The following PREPL variants were observed in gnomAD, a reference collection of about 807,000 sequenced individuals.
PREPL encodes the protein prolyl endopeptidase-like.
PREPL carries 77 observed loss-of-function variants against 70.6 expected under a neutral mutation model. That is an observed-to-expected ratio of 1.09 (90% CI 0.91 to 1.32). The LOEUF is 1.32. Among genes scored for constraint, PREPL ranks in the 40% most tolerant of loss-of-function variants. The probability of loss-of-function intolerance (pLI) is 0.00; values close to 1 mark genes in which losing one functional copy is unlikely to be tolerated. For synonymous variants in PREPL, 315 were observed against 264.8 expected (o/e 1.19, Z -1.84); for missense variants, 1,002 against 778.2 (o/e 1.29, Z -3.42).
rs1230414490 is a variant in PREPL at position 44,344,976 on chromosome 2, CTG to C, written c.76-392_76-391del. 2.6e-5 allele frequency among the ~76,000 whole-genome samples: 4 copies of C among 152,272 alleles called. No homozygotes were observed. In the South Asian group the frequency reaches 8.3e-4, roughly 32 times the overall value. ...ATCCAAAATGATGCAGATGAGGAAA[CTG>C]TGGCTCAGACTAGCCTGAAAACCCA... On this transcript the variant is annotated intron_variant, in intron 2 of 13. Transcript: ENST00000409411.
At chr2:44,357,852 T>C (rs1677213199) in intron 1 of PREPL, among the ~76,000 whole-genome samples, 1 of 152,154 alleles carries the variant, frequency 6.6e-6, no homozygotes, top group African/African-American at 2.4e-5. Flanking sequence ...GTAGGAAAGA[T>C]GTACAAAAAA....
At chr2:44,359,316 C>T (rs1186743126) in intron 1 of PREPL, among the ~76,000 whole-genome samples, 2 of 152,030 alleles carry the variant, frequency 1.3e-5, no homozygotes, top group African/African-American at 4.8e-5. Context: ...GATCTGCCTG[C>T]CTCGATGTAT....
At chr2:44,353,491 G>A (rs1572568499) in intron 1 of PREPL, among the ~76,000 whole-genome samples, 1 of 151,948 alleles carries the variant, frequency 6.6e-6, no homozygotes, top group South Asian at 2.1e-4. Context: ...GGGGGGCCTT[G>A]GCAGGAGAAT....
At position 44,323,178 on chromosome 2, in the gene PREPL, A is replaced by G. The variant is rs1016216827; in HGVS notation, c.1629+84T>C. 3 of 1,327,638 alleles carry G rather than the reference A, an allele frequency of 2.3e-6. No homozygotes were observed. The African/African-American group carries it at 4.5e-5, about 20-fold the overall frequency. 82.2% of individuals were successfully genotyped at this position (1,327,638 alleles called of 1,614,324 possible). A position where few individuals can be genotyped will look rare whatever the true frequency, so the allele number is the denominator to read the frequency against. On this transcript the variant is annotated intron_variant, in intron 11 of 13. Transcript: ENST00000409411. ...AAGTAGAAACATCTCTAAAGCTCCTATTTTTGCTTCAGCTTGGATAAGTTT... is the reference window on the plus strand; with the variant it reads ...AAGTAGAAACATCTCTAAAGCTCCTGTTTTTGCTTCAGCTTGGATAAGTTT...
At chr2:44,329,192 G>T in intron 8 of PREPL, 80 bp from the exon 9 acceptor site, 1 of 1,207,056 alleles carries the variant, frequency 8.3e-7, no homozygotes, top group Non-Finnish European at 1.2e-6. Flanking sequence ...ATACATTGAG[G>T]TGCACTGTCC....
chr2:44,342,767 G>A (rs1160439582), intron 4 of PREPL, among the ~76,000 whole-genome samples: 1 of 152,148 alleles, frequency 6.6e-6, no homozygotes. Flanking sequence ...AAGGTTTCAA[G>A]TAGTTATCAG....
chr2:44,338,090 G>C (rs921801094), intron 7 of PREPL, among the ~76,000 whole-genome samples: 3 of 152,134 alleles, frequency 2.0e-5, no homozygotes, highest in Admixed American at 6.5e-5. Context: ...TACAGAAAGA[G>C]AAATATTAGC....
At chr2:44,332,872 T>C (rs934700698) in intron 7 of PREPL, among the ~76,000 whole-genome samples, 5 of 152,160 alleles carry the variant, frequency 3.3e-5, no homozygotes, top group African/African-American at 9.7e-5. Context: ...AGACAAACTA[T>C]AGGAAAATGA....
intron 1 of PREPL, chr2:44,360,520 T>C (rs1054145314): frequency 6.6e-6 from 1 of 152,218 alleles, no homozygotes; most frequent in Non-Finnish European, 1.5e-5. Flanking sequence ...AAAAAACCCC[T>C]GCAAGATGCA....
intron 1 of PREPL, among the ~76,000 whole-genome samples, chr2:44,352,860 A>T (rs192160038): frequency 1.9e-4 from 29 of 152,352 alleles, no homozygotes; most frequent in Admixed American, 5.9e-4. Context: ...AAATCTTATG[A>T]ATCAGTAAGA....
chr2:44,336,302 A>G (rs965356353), intron 7 of PREPL, among the ~76,000 whole-genome samples: 2 of 152,218 alleles, frequency 1.3e-5, no homozygotes, highest in South Asian at 2.1e-4. Context: ...ATGTCCATCA[A>G]TGATAGACTG....
In PREPL at chr2:44,350,557, A is replaced by AG. The variant is rs112181135; in HGVS notation, c.-48-4168_-48-4167insC. ...TTAGCAACCATGAAACACCAATGAG[A>AG]TTTCCAAAATTTTAATAATGTTCAT... On this transcript the variant is annotated intron_variant, in intron 1 of 13. Transcript: ENST00000409411. 4.8e-3 allele frequency among the ~76,000 whole-genome samples: 726 copies of AG among 152,320 alleles called. 6 individuals are homozygous for AG. Among genetic ancestry groups the AG allele is most frequent in the African/African-American group, 0.016 (682 of 41,576 alleles).
rs1381800988 is a variant in PREPL at position 44,318,337 on chromosome 2, C to A, written c.*3019G>T. ...GAACTCCTGACCTCTGGTGATCTGT[C>A]TGCCTTGCCTCCCAAAGTGCTAGGA... On this transcript the variant is annotated 3_prime_UTR_variant, in exon 14 of 14. Transcript: ENST00000409411. 5.1e-6 allele frequency: 1 copy of A among 196,522 alleles called. No individual in the cohort carries two copies. Among genetic ancestry groups the A allele is most frequent in the Non-Finnish European group, 1.1e-5 (1 of 92,592 alleles). 12.2% of individuals were successfully genotyped at this position (196,522 alleles called of 1,614,324 possible).
intron 8 of PREPL, among the ~76,000 whole-genome samples, chr2:44,331,825 C>T (rs1674127350): frequency 6.6e-6 from 1 of 152,120 alleles, no homozygotes; most frequent in African/African-American, 2.4e-5. Context: ...TAGTCAACTA[C>T]CACCTTCACT....
intron 1 of PREPL, among the ~76,000 whole-genome samples, chr2:44,353,760 G>T (rs565395711): frequency 6.1e-4 from 93 of 152,098 alleles, no homozygotes; most frequent in African/African-American, 2.0e-3. Context: ...CAATTCAATG[G>T]AAAAAGAACA....
At chr2:44,351,571 G>A (rs907397796) in intron 1 of PREPL, among the ~76,000 whole-genome samples, 5 of 148,952 alleles carry the variant, frequency 3.4e-5, no homozygotes, top group Non-Finnish European at 5.9e-5. Context: ...TTACATAAAT[G>A]ACAAATCTGT....
rs367803851 is a variant in PREPL at position 44,340,273 on chromosome 2, CAATT to C, written c.486-914_486-911del. The stretch of plus-strand genomic sequence containing the variant: ...ATATTTTCCCCTTCCATGATCTTCA[CAATT>C]ATTTTCCCAAGACAAATTTTTAGAA... On this transcript the variant is annotated intron_variant, in intron 5 of 13. Transcript: ENST00000409411. Among the ~76,000 whole-genome samples the C allele has an allele frequency of 9.2e-3, 1,393 of 152,122 alleles. 25 individuals carry two copies. Among genetic ancestry groups the C allele is most frequent in the South Asian group, 0.085 (409 of 4,826 alleles).
intron 7 of PREPL, 35 bp downstream of exon 7, chr2:44,338,316 G>T (rs776382716): frequency 8.4e-6 from 13 of 1,550,472 alleles, no homozygotes; most frequent in Non-Finnish European, 1.1e-5. Context: ...TAAATATTTT[G>T]ATTAACAGTA....
chr2:44,355,995 A>AT (rs1438677094), intron 1 of PREPL, among the ~76,000 whole-genome samples: 6 of 152,168 alleles, frequency 3.9e-5, no homozygotes, highest in Non-Finnish European at 7.4e-5. Flanking sequence ...AAGAAATGTG[A>AT]TATCTGGATG....
Sources: allele counts gnomAD v4.1 joint callset (sites outside exome capture counted in the v4.1 genomes callset), GRCh38; gene constraint gnomAD v4.1.1; transcripts MANE v1.5; gene names NCBI Gene and HGNC (gene_info 2026-07-23, HGNC 2026-07-21).